SPIN1: variants seen among roughly 807,000 people sequenced by gnomAD.
SPIN1 encodes the protein spindlin-1.
Under a neutral mutation model 26.0 loss-of-function variants are expected in SPIN1, and 3 were observed. The observed-to-expected ratio is 0.12, with a 90% confidence interval of 0.05 to 0.30. The LOEUF is 0.30. SPIN1 is among the 10% of genes least tolerant of loss of function. The pLI, the probability that SPIN1 is intolerant of heterozygous loss-of-function variation, is 1.00. For synonymous variants in SPIN1, 101 were observed against 116.5 expected, an observed-to-expected ratio of 0.87 and a Z score of 0.86; for missense variants, 126 against 333.4, an observed-to-expected ratio of 0.38 and a Z score of 4.84.
At chr9:88,451,183 A>G (rs1587807518) in intron 3 of SPIN1, among the ~76,000 whole-genome samples, 1 of 152,102 alleles carries the variant, frequency 6.6e-6, no homozygotes, top group African/African-American at 2.4e-5. Flanking sequence ...GGGAGTTGCA[A>G]GGAATAAGGG....
At chr9:88,410,724 A>C in intron 1 of SPIN1, 1 of 1,418,652 alleles carries the variant, frequency 7.0e-7, no homozygotes, top group South Asian at 1.1e-5. Flanking sequence ...TGTAGCTTCC[A>C]CCACCTCCAA....
rs116692765 is a variant in SPIN1, at chr9:88,470,895, A to G, written c.589+2290A>G. Among the ~76,000 whole-genome samples, 959 of 152,274 alleles carry G rather than the reference A, an allele frequency of 6.3e-3. 8 individuals are homozygous for G. The highest frequency in any genetic ancestry group is 0.022 in the African/African-American group (902 of 41,554). On this transcript the variant is annotated intron_variant, in intron 5 of 5. Coordinates refer to ENST00000375859, the MANE Select transcript of SPIN1 (RefSeq NM_006717.3). ...AGACATGAGCCACCATGCCCGGCCT[A>G]TTGGCCCTTTTAATATCATCTGTGG...
At chr9:88,408,913 G>A (rs1352642583) in intron 1 of SPIN1, among the ~76,000 whole-genome samples, 1 of 150,534 alleles carries the variant, frequency 6.6e-6, no homozygotes, top group East Asian at 2.0e-4. Flanking sequence ...CCGCCCGCCT[G>A]GGCCTCCCAA....
rs575668383 is a variant in SPIN1 at position 88,432,188 on chromosome 9, C to A, written c.52+5597C>A. The stretch of plus-strand genomic sequence containing the variant: ...TCCCCTGTGCCCGTCCCGCCCCCCC[C>A]ACCCCCAGTTTTTTTTTTTTGAGAC... On this transcript the variant is annotated intron_variant, in intron 2 of 5. Transcript: ENST00000375859. Among the ~76,000 whole-genome samples the A allele has an allele frequency of 4.2e-5, 6 of 143,868 alleles. No individual in the cohort carries two copies. The East Asian group carries it at 1.0e-3, about 24-fold the overall frequency. The allele number at this position is 143,868 out of a possible 152,430, so 94.4% of individuals were successfully genotyped here.
intron 2 of SPIN1, among the ~76,000 whole-genome samples, chr9:88,430,576 G>T (rs900499217): frequency 1.8e-4 from 28 of 152,176 alleles, no homozygotes; most frequent in Non-Finnish European, 2.9e-5. Context: ...CATCTGCCAT[G>T]ACCCCCAGTA....
rs529863647 is a variant in SPIN1, at chr9:88,407,683, A to G, written c.-158-18699A>G. ...AATTAAAAAAAAGCTATTGAATTGT[A>G]TCTTCAGTTTTCATTTTTTTTTTTT... is the stretch of plus-strand genomic sequence containing the variant. On this transcript the variant is annotated intron_variant, in intron 1 of 5. Transcript: ENST00000375859. Among the ~76,000 whole-genome samples the G allele has an allele frequency of 1.3e-4, 19 of 150,244 alleles. No homozygotes were observed. The East Asian group carries it at 3.8e-3, about 30-fold the overall frequency.
intron 5 of SPIN1, among the ~76,000 whole-genome samples, chr9:88,470,133 A>G (rs1335448323): frequency 6.6e-6 from 1 of 152,214 alleles, no homozygotes; most frequent in African/African-American, 2.4e-5. Context: ...ACGCTGTAGC[A>G]TATATCAGTA....
rs1465568143 is a variant in SPIN1 at position 88,428,783 on chromosome 9, A to C, written c.52+2192A>C. Among the ~76,000 whole-genome samples, 4 of 152,192 alleles carry C rather than the reference A, an allele frequency of 2.6e-5. No individual in the cohort carries two copies. The East Asian group carries it at 7.7e-4, about 29-fold the overall frequency. On this transcript the variant is annotated intron_variant, in intron 2 of 5. Transcript: ENST00000375859. ...CTATGTAAATCCTAGTTGGCGTGTG[A>C]GATATTTTAGCATAAGAGTCCGTGA...
At chr9:88,437,984 T>C (rs1303475497) in intron 2 of SPIN1, among the ~76,000 whole-genome samples, 1 of 152,024 alleles carries the variant, frequency 6.6e-6, no homozygotes, top group African/African-American at 2.4e-5. Context: ...AAACTTTGTC[T>C]CTACTAAAAA....
chr9:88,419,606 C>G (rs1827634392), intron 1 of SPIN1, among the ~76,000 whole-genome samples: 1 of 152,114 alleles, frequency 6.6e-6, no homozygotes, highest in Admixed American at 6.6e-5. Flanking sequence ...ATGGACTTAG[C>G]AAAGGAAAAT....
intron 2 of SPIN1, among the ~76,000 whole-genome samples, chr9:88,440,978 A>G (rs540194832): frequency 3.3e-5 from 5 of 151,374 alleles, no homozygotes; most frequent in Non-Finnish European, 7.4e-5. Flanking sequence ...ATAATAATAT[A>G]TTGCTTTAGG....
chr9:88,466,364 C>T (rs913707767), intron 4 of SPIN1, among the ~76,000 whole-genome samples: 4 of 152,118 alleles, frequency 2.6e-5, no homozygotes, highest in African/African-American at 7.2e-5. Context: ...CATTATGTTG[C>T]CCAGGCTGGT....
chr9:88,451,262 G>A (rs1159576218), intron 3 of SPIN1, among the ~76,000 whole-genome samples: 1 of 152,146 alleles, frequency 6.6e-6, no homozygotes, highest in African/African-American at 2.4e-5. Context: ...TCAGTATGGG[G>A]TGCCCGAGAA....
intron 1 of SPIN1, among the ~76,000 whole-genome samples, chr9:88,421,129 T>TA (rs74313978): frequency 0.18 from 28,145 of 152,194 alleles, 3,359 homozygotes; most frequent in African/African-American, 0.34. Flanking sequence ...GAAGTTAACT[T>TA]ACAGAAATTG....
intron 1 of SPIN1, among the ~76,000 whole-genome samples, chr9:88,412,178 C>CA (rs959309571): frequency 3.8e-4 from 56 of 148,492 alleles, no homozygotes; most frequent in Admixed American, 6.1e-4. Context: ...GACTGCATCT[C>CA]AAAAAAAAAC....
At chr9:88,447,427 T>C (rs1048661172) in intron 2 of SPIN1, among the ~76,000 whole-genome samples, 6 of 152,174 alleles carry the variant, frequency 3.9e-5, no homozygotes, top group African/African-American at 1.2e-4. Context: ...TGAAACCTTG[T>C]GTTGTTGAGT....
chr9:88,451,605 G>C (rs1263240151), intron 3 of SPIN1, among the ~76,000 whole-genome samples: 5 of 152,144 alleles, frequency 3.3e-5, no homozygotes, highest in Admixed American at 6.5e-5. Context: ...CTGTTGCTCA[G>C]GTTGGAGTGC....
At chr9:88,434,438 AC>A (rs915376637) in intron 2 of SPIN1, among the ~76,000 whole-genome samples, 1 of 110,930 alleles carries the variant, frequency 9.0e-6, no homozygotes, top group Non-Finnish European at 1.6e-5. Flanking sequence ...TTTATAAATT[AC>A]GGTTTTCTTC....
intron 1 of SPIN1, among the ~76,000 whole-genome samples, chr9:88,407,436 C>T (rs945079104): frequency 6.6e-6 from 1 of 151,746 alleles, no homozygotes; most frequent in Non-Finnish European, 1.5e-5. Flanking sequence ...GAGCCACCGG[C>T]CTCATCTTCC....
Sources: allele counts gnomAD v4.1 joint callset (sites outside exome capture counted in the v4.1 genomes callset), GRCh38; gene constraint gnomAD v4.1.1; transcripts MANE v1.5; gene names NCBI Gene and HGNC (gene_info 2026-07-23, HGNC 2026-07-21).